PSD3: variants seen among roughly 807,000 people sequenced by gnomAD.
The protein encoded by PSD3 is pleckstrin and Sec7 domain containing 3.
PSD3 carries 49 observed loss-of-function variants against 105.5 expected under a neutral mutation model. The observed-to-expected ratio is 0.46, with a 90% CI of 0.37 to 0.59. PSD3 has a LOEUF of 0.59. PSD3 is among the 20% of genes least tolerant of loss of function. PSD3 has a pLI of 0.00. For synonymous variants in PSD3, 557 were observed against 457.8 expected (o/e 1.22, Z -2.77); for missense variants, 1,561 against 1,263.8 (o/e 1.24, Z -3.57).
At chr8:18,859,816 G>A (rs568925697) in intron 4 of PSD3, among the ~76,000 whole-genome samples, 6 of 152,194 alleles carry the variant, frequency 3.9e-5, no homozygotes, top group African/African-American at 9.7e-5. Flanking sequence ...TTAAGGAAAC[G>A]TTGTGGCTGA....
chr8:18,635,355 T>C (rs115286788), intron 10 of PSD3, among the ~76,000 whole-genome samples: 1,777 of 152,174 alleles, frequency 0.012, 32 homozygotes, highest in African/African-American at 0.041. Context: ...GTCCTCCCAA[T>C]AGACAAAGCT....
chr8:18,913,343 AT>A (rs112163990), intron 2 of PSD3, among the ~76,000 whole-genome samples: 2 of 147,848 alleles, frequency 1.4e-5, no homozygotes, highest in Non-Finnish European at 3.0e-5. Flanking sequence ...CAACCTGTTC[AT>A]TTTTTTTTTC....
chr8:18,942,919 T>A (rs2129469522), intron 1 of PSD3, among the ~76,000 whole-genome samples: 1 of 152,330 alleles, frequency 6.6e-6, no homozygotes, highest in East Asian at 1.9e-4. Flanking sequence ...TGCTATTCCC[T>A]TTTAATAAGC....
At chr8:18,809,825 C>T (rs983200152) in intron 4 of PSD3, among the ~76,000 whole-genome samples, 1 of 152,048 alleles carries the variant, frequency 6.6e-6, no homozygotes, top group African/African-American at 2.4e-5. Context: ...CTATAATCTA[C>T]TGATTCTTCT....
At chr8:18,750,160 C>G (rs1805353480) in intron 9 of PSD3, among the ~76,000 whole-genome samples, 1 of 152,174 alleles carries the variant, frequency 6.6e-6, no homozygotes, top group Admixed American at 6.5e-5. Flanking sequence ...TAGTTCAAGT[C>G]TCAGTGGGCA....
chr8:18,573,707 A>C (rs1184410727), intron 13 of PSD3, among the ~76,000 whole-genome samples: 1 of 152,200 alleles, frequency 6.6e-6, no homozygotes, highest in Non-Finnish European at 1.5e-5. Context: ...CACATCATAT[A>C]TTAGTCTGTT....
chr8:18,725,369 A>G (rs564930752), intron 9 of PSD3, among the ~76,000 whole-genome samples: 34 of 152,342 alleles, frequency 2.2e-4, no homozygotes, highest in African/African-American at 7.5e-4. Context: ...AAAGAACTGA[A>G]TATTATAGAT....
In PSD3 at chr8:18,575,197, T is replaced by C. The variant is rs773499734; in HGVS notation, c.2570A>G (p.Asp857Gly). Residue 857 changes from aspartate (D) to glycine (G), a missense_variant, in exon 13 of 16, where the codon GAC (aspartate) becomes GGC (glycine). Coordinates refer to ENST00000327040, the MANE Select transcript of PSD3 (RefSeq NM_015310.4). The stretch of plus-strand genomic sequence containing the variant: ...AAACACGTTTGGTTTCTTCTCATAG[T>C]CCGTGGCCTTGGATGCCAATGCGTG... The part of the protein sequence containing the change: ...VHHALASKAT[D>G]YEKKPNVFKL... 1.9e-6 allele frequency: 3 copies of C among 1,613,984 alleles called. No individual in the cohort carries two copies. In the Admixed American group the frequency reaches 5.0e-5, roughly 27 times the overall value.
intron 11 of PSD3, among the ~76,000 whole-genome samples, chr8:18,630,100 A>G (rs748807742): frequency 2.4e-4 from 36 of 151,942 alleles, no homozygotes; most frequent in Admixed American, 1.7e-3. Flanking sequence ...ACCCATCCAT[A>G]TATTTTCCCT....
intron 12 of PSD3, among the ~76,000 whole-genome samples, chr8:18,579,095 T>G (rs1355699314): frequency 2.2e-5 from 1 of 44,740 alleles, no homozygotes; most frequent in Non-Finnish European, 4.3e-5. Flanking sequence ...AAGCTCCAAG[T>G]CCACACACAC....
chr8:18,536,037 A>C, intron 15 of PSD3, 79 bp from the exon 16 acceptor site: 1 of 1,355,684 alleles, frequency 7.4e-7, no homozygotes, highest in Non-Finnish European at 1.0e-6. Flanking sequence ...TGTATTACCC[A>C]CCTGGAGAGT....
rs1806870491 is a variant in PSD3 at position 18,631,204 on chromosome 8, G to A, written c.2410+1409C>T. ...AGGAAAACTGCAATGTTTGGCAAAA[G>A]TATTATTCAATGTATGAAGAAGGGT... is the stretch of plus-strand genomic sequence containing the variant. On this transcript the variant is annotated intron_variant, in intron 11 of 15. Coordinates refer to ENST00000327040, the MANE Select transcript of PSD3 (RefSeq NM_015310.4). 2.0e-5 allele frequency among the ~76,000 whole-genome samples: 3 copies of A among 151,904 alleles called. No individual in the cohort carries two copies. The South Asian group carries it at 6.2e-4, about 31-fold the overall frequency.
intron 9 of PSD3, among the ~76,000 whole-genome samples, chr8:18,739,292 G>A (rs1220560984): frequency 3.3e-5 from 5 of 152,110 alleles, no homozygotes; most frequent in East Asian, 1.9e-4. Flanking sequence ...GGAAGAAAAA[G>A]AGTAAGCTAT....
chr8:18,803,771 G>A (rs1213684963), intron 6 of PSD3, among the ~76,000 whole-genome samples: 1 of 151,070 alleles, frequency 6.6e-6, no homozygotes, highest in Non-Finnish European at 1.5e-5. Context: ...GGGGCTGGGG[G>A]AAAGGAGGGG....
chr8:19,040,813 G>A (rs182788083), intron 1 of PSD3, among the ~76,000 whole-genome samples: 2 of 152,312 alleles, frequency 1.3e-5, no homozygotes, highest in East Asian at 3.9e-4. Flanking sequence ...TTGTCCATGA[G>A]TTGTTCTTGG....
intron 8 of PSD3, among the ~76,000 whole-genome samples, chr8:18,768,203 T>C (rs1807195802): frequency 6.6e-6 from 1 of 151,258 alleles, no homozygotes; most frequent in South Asian, 2.1e-4. Context: ...GAAGAATCAC[T>C]TGAACCCGGG....
At chr8:18,723,997 A>G (rs188923144) in intron 9 of PSD3, among the ~76,000 whole-genome samples, 1 of 151,464 alleles carries the variant, frequency 6.6e-6, no homozygotes, top group African/African-American at 2.5e-5. Flanking sequence ...CAGCCATATG[A>G]ACTCAAGTAA....
intron 9 of PSD3, among the ~76,000 whole-genome samples, chr8:18,729,188 C>G (rs906960705): frequency 3.3e-5 from 5 of 152,164 alleles, no homozygotes; most frequent in African/African-American, 2.4e-5. Flanking sequence ...CCCTTTGAGA[C>G]TCTGAACTAG....
At chr8:18,938,345 G>A (rs1043960537) in intron 1 of PSD3, among the ~76,000 whole-genome samples, 3 of 151,490 alleles carry the variant, frequency 2.0e-5, no homozygotes, top group African/African-American at 7.3e-5. Context: ...AAAGGGGCCA[G>A]GCACAGTGGC....
Sources: gnomAD v4.1 joint callset for allele counts (sites outside exome capture counted in the v4.1 genomes callset) on GRCh38, gnomAD v4.1.1 for gene constraint, MANE v1.5 for transcripts, NCBI Gene and HGNC (gene_info 2026-07-23, HGNC 2026-07-21) for gene names.